RFPL2: variants seen among roughly 807,000 people sequenced by gnomAD.
RFPL2 encodes the protein ret finger protein-like 2.
A neutral mutation model predicts 17.8 loss-of-function variants in RFPL2; 13 were observed. The observed-to-expected ratio is 0.73, with a 90% CI of 0.47 to 1.16. The LOEUF (loss-of-function observed/expected upper bound fraction) is 1.16. Ranked by LOEUF, RFPL2 falls within the 50% of genes most tolerant of loss-of-function variation. The pLI, the probability that RFPL2 is intolerant of heterozygous loss-of-function variation, is 0.00. For synonymous variants in RFPL2, 189 were observed against 180.9 expected (o/e 1.04, Z -0.36); for missense variants, 431 against 479.3 (o/e 0.90, Z 0.94).
At chr22:32,195,227 G>C (rs1923192822) in intron 2 of RFPL2, among the ~76,000 whole-genome samples, 1 of 152,016 alleles carries the variant, frequency 6.6e-6, no homozygotes, top group African/African-American at 2.4e-5. Flanking sequence ...TTCTCTTTTT[G>C]CGTAATTAAA....
chr22:32,204,496 G>T (rs1201596412), intron 1 of RFPL2, among the ~76,000 whole-genome samples: 1 of 152,250 alleles, frequency 6.6e-6, no homozygotes, highest in Middle Eastern at 3.4e-3. Flanking sequence ...CTCCCACCTC[G>T]GGCAGTGCAG....
chr22:32,192,144 G>T (rs1603200827), intron 4 of RFPL2, among the ~76,000 whole-genome samples: 2 of 152,310 alleles, frequency 1.3e-5, no homozygotes, highest in South Asian at 4.1e-4. Flanking sequence ...GAGACAGTCA[G>T]TTTTGGGTAG....
intron 3 of RFPL2, among the ~76,000 whole-genome samples, chr22:32,193,965 G>A (rs1395240888): frequency 6.6e-6 from 1 of 151,756 alleles, no homozygotes; most frequent in African/African-American, 2.4e-5. Flanking sequence ...TTGAACCGAG[G>A]AGTTTGAGAC....
chr22:32,192,201 CG>C (rs1337493319), intron 4 of RFPL2, among the ~76,000 whole-genome samples: 2 of 152,112 alleles, frequency 1.3e-5, no homozygotes, highest in African/African-American at 4.8e-5. Flanking sequence ...CTACCAGTGT[CG>C]GGGACATCAT....
At chr22:32,195,057 GA>G (rs751660964) in intron 2 of RFPL2, among the ~76,000 whole-genome samples, 3 of 152,210 alleles carry the variant, frequency 2.0e-5, no homozygotes, top group Non-Finnish European at 4.4e-5. Flanking sequence ...TGTTACCCGT[GA>G]AGTGAGTTGT....
chr22:32,193,862 C>CAAAA lies in RFPL2; in HGVS notation c.265+479_265+482dup, dbSNP rs136481. 9.9e-3 allele frequency among the ~76,000 whole-genome samples: 709 copies of CAAAA among 71,916 alleles called. 19 individuals carry two copies. Among genetic ancestry groups the CAAAA allele is most frequent in the African/African-American group, 0.037 (663 of 17,852 alleles). 47.2% of individuals were successfully genotyped at this position (71,916 alleles called of 152,430 possible). A position where few individuals can be genotyped will look rare whatever the true frequency, so the allele number is the denominator to read the frequency against. ...TGGGCAACAGAGTGAGACACCATCT[C>CAAAA]AAAAAAAAAAAAAAAAAAAAAAAAG... On this transcript the variant is annotated intron_variant, in intron 3 of 4. Coordinates refer to ENST00000652607, the MANE Select transcript of RFPL2 (RefSeq NM_001394555.1).
chr22:32,190,781 C>T lies in RFPL2; in HGVS notation c.1128G>A (p.Glu376=). 1 of 1,495,262 alleles carries T rather than the reference C, an allele frequency of 6.7e-7. No individual in the cohort carries two copies. Among genetic ancestry groups the T allele is most frequent in the Non-Finnish European group, 8.9e-7 (1 of 1,122,054 alleles). 92.6% of individuals were successfully genotyped at this position (1,495,262 alleles called of 1,614,324 possible). A position where few individuals can be genotyped will look rare whatever the true frequency, so the allele number is the denominator to read the frequency against. The change falls in exon 5 of 5, where the codon GAG becomes GAA. Residue 376 remains glutamate, a synonymous_variant. Coordinates refer to ENST00000652607, the MANE Select transcript of RFPL2 (RefSeq NM_001394555.1). The part of the protein sequence containing the change: ...GTTDAPVRPG[E]AK The stretch of plus-strand genomic sequence containing the variant: ...TTTTTGGAGTGAGGGCTTATTTGGC[C>T]TCCCCAGGACGGACTGGAGCATCAG...
Position 32,201,003 on chromosome 22 carries a change from A to G in RFPL2, c.119+1330T>C, listed in dbSNP as rs1181774649. On this transcript the variant is annotated intron_variant, in intron 2 of 4. Transcript: ENST00000652607. ...AGATAGTATCTGAGCTCCGCAGGAA[A>G]CAGTGCAAGGAGGGTAATAGGTGTT... Among the ~76,000 whole-genome samples, 3 of 151,816 alleles carry G rather than the reference A, an allele frequency of 2.0e-5. No homozygotes were observed. In the East Asian group the frequency reaches 5.8e-4, roughly 29 times the overall value.
At chr22:32,195,412 A>G (rs566557477) in intron 2 of RFPL2, among the ~76,000 whole-genome samples, 1 of 152,264 alleles carries the variant, frequency 6.6e-6, no homozygotes, top group South Asian at 2.1e-4. Flanking sequence ...CATGTATAAT[A>G]ATCAAGTCAG....
At chr22:32,201,639 C>T (rs1923927643) in intron 2 of RFPL2, among the ~76,000 whole-genome samples, 1 of 152,176 alleles carries the variant, frequency 6.6e-6, no homozygotes, top group Non-Finnish European at 1.5e-5. Flanking sequence ...GATCCTGGGT[C>T]TCGGGTGGAA....
chr22:32,199,591 C>T (rs1030150344), intron 2 of RFPL2, among the ~76,000 whole-genome samples: 2 of 152,224 alleles, frequency 1.3e-5, no homozygotes, highest in Non-Finnish European at 2.9e-5. Context: ...GCTCACAGAG[C>T]TCAGAGAACA....
rs749185412 is a variant in RFPL2 at position 32,202,319 on chromosome 22, G to A, written c.119+14C>T. On this transcript the variant is annotated intron_variant, in intron 2 of 4. Coordinates refer to ENST00000652607, the MANE Select transcript of RFPL2 (RefSeq NM_001394555.1). ...ACCCTGGAGCAATGCGGAAAACCCAGAATTGTCTCTCACCTCAGGCTCCTT... is the reference window on the plus strand; with the variant it reads ...ACCCTGGAGCAATGCGGAAAACCCAAAATTGTCTCTCACCTCAGGCTCCTT... 4.4e-6 allele frequency: 7 copies of A among 1,581,496 alleles called. No homozygotes were observed. In the Admixed American group the frequency reaches 1.3e-4, roughly 29 times the overall value.
rs376045210 is a variant in RFPL2, at chr22:32,190,910, G to A, written c.999C>T (p.Ser333=). The change falls in exon 5 of 5, where the codon AGC becomes AGT. Residue 333 remains serine, a synonymous_variant. Coordinates refer to ENST00000652607, the MANE Select transcript of RFPL2 (RefSeq NM_001394555.1). ...ESGSHVYTFR[S]VSAEEPLRPF... ...GGCGCAATGGCTCCTCAGCAGATAC[G>A]CTCCTGAATGTATAGACATGGGAAC... 4.4e-6 allele frequency: 7 copies of A among 1,601,184 alleles called. No individual in the cohort carries two copies. Among genetic ancestry groups the A allele is most frequent in the African/African-American group, 1.4e-5 (1 of 73,824 alleles).
chr22:32,190,625 TAATCAAATTAGATTAAGTAC>T lies in RFPL2; in HGVS notation c.*127_*146del. The T allele has an allele frequency of 1.3e-6, 1 of 783,196 alleles. No homozygotes were observed. Among genetic ancestry groups the T allele is most frequent in the Non-Finnish European group, 1.9e-6 (1 of 519,116 alleles). 48.5% of individuals were successfully genotyped at this position (783,196 alleles called of 1,614,324 possible). A position where few individuals can be genotyped will look rare whatever the true frequency, so the allele number is the denominator to read the frequency against. On this transcript the variant is annotated 3_prime_UTR_variant, in exon 5 of 5. Transcript: ENST00000652607. ...AATTAATACTTAGGACTCTATAATC[TAATCAAATTAGATTAAGTAC>T]AATCAAGAAATGTCCCATATTTTTC...
At chr22:32,201,055 T>TTTG (rs1209939378) in intron 2 of RFPL2, among the ~76,000 whole-genome samples, 1 of 150,672 alleles carries the variant, frequency 6.6e-6, no homozygotes, top group Non-Finnish European at 1.5e-5. Context: ...TTTTTTTTTT[T>TTTG]TTGAGACAGT....
intron 4 of RFPL2, 122 bp from the exon 5 acceptor site, chr22:32,191,474 A>G: frequency 7.8e-7 from 1 of 1,276,120 alleles, no homozygotes; most frequent in Non-Finnish European, 1.1e-6. Context: ...TTCCCCCAAA[A>G]TCCAAACTTC....
intron 2 of RFPL2, among the ~76,000 whole-genome samples, chr22:32,197,502 C>T (rs910694039): frequency 2.6e-5 from 4 of 151,984 alleles, no homozygotes; most frequent in East Asian, 1.9e-4. Flanking sequence ...CCATATGCTG[C>T]GCCCGTTAAC....
chr22:32,202,659 A>G, intron 1 of RFPL2, 109 bp from the exon 2 acceptor site: 1 of 1,384,562 alleles, frequency 7.2e-7, no homozygotes, highest in Non-Finnish European at 9.3e-7. Context: ...TTCAAAGTCC[A>G]GCCTCTCCTT....
In RFPL2 at chr22:32,190,970, GCCCATATCCAGAAAAATC is replaced by G. The variant is rs756061656; in HGVS notation, c.921_938del (p.Ile308_Gly313del). ...CATCAAAAAAGGAAACGTTCTGCATGCCCATATCCAGAAAAATCCCCACTCGCTGTAACTTGCGGTCTA... is the reference window on the plus strand; with the variant it reads ...CATCAAAAAAGGAAACGTTCTGCATGCCCACTCGCTGTAACTTGCGGTCTA... On this transcript the variant is annotated inframe_deletion, in exon 5 of 5. Transcript: ENST00000652607. 22 of 1,607,912 alleles carry G rather than the reference GCCCATATCCAGAAAAATC, an allele frequency of 1.4e-5. No homozygotes were observed. Among genetic ancestry groups the G allele is most frequent in the South Asian group, 1.3e-4 (12 of 90,502 alleles).
Sources: gnomAD v4.1 joint callset for allele counts (sites outside exome capture counted in the v4.1 genomes callset) on GRCh38, gnomAD v4.1.1 for gene constraint, MANE v1.5 for transcripts, NCBI Gene and HGNC (gene_info 2026-07-23, HGNC 2026-07-21) for gene names.